UNC5B: variants seen among roughly 807,000 people sequenced by gnomAD.
The protein encoded by UNC5B is unc-5 netrin receptor B, also known as netrin receptor UNC5B.
In UNC5B, 56 loss-of-function variants were observed where a neutral mutation model predicts 103.7. The observed-to-expected ratio is 0.54, with a 90% CI of 0.44 to 0.67. The LOEUF is 0.67. Among genes scored for constraint, UNC5B ranks in the 30% least tolerant of loss-of-function variants. The pLI is 0.00. For missense variants in UNC5B, 1,194 were observed against 1,284.5 expected, an observed-to-expected ratio of 0.93 and a Z score of 1.08; for synonymous variants, 577 against 542.0, an observed-to-expected ratio of 1.06 and a Z score of -0.90.
intron 1 of UNC5B, among the ~76,000 whole-genome samples, chr10:71,255,137 C>A (rs1005488831): frequency 6.6e-6 from 1 of 152,142 alleles, no homozygotes; most frequent in Non-Finnish European, 1.5e-5. Context: ...GCCATTAATA[C>A]CCGAGAAGAA....
chr10:71,253,826 G>A (rs1431251341), intron 1 of UNC5B, among the ~76,000 whole-genome samples: 1 of 152,162 alleles, frequency 6.6e-6, no homozygotes, highest in African/African-American at 2.4e-5. Context: ...CAGGACACTA[G>A]GAAAGCTGGT....
intron 1 of UNC5B, among the ~76,000 whole-genome samples, chr10:71,216,832 A>G: frequency 6.6e-6 from 1 of 152,174 alleles, no homozygotes; most frequent in Non-Finnish European, 1.5e-5. Context: ...GAGATGGATC[A>G]TTTCCATTCC....
intron 1 of UNC5B, among the ~76,000 whole-genome samples, chr10:71,235,852 G>T (rs1843766136): frequency 6.6e-6 from 1 of 152,210 alleles, no homozygotes; most frequent in African/African-American, 2.4e-5. Flanking sequence ...TCGCATCTGG[G>T]CCATCTATAG....
chr10:71,225,372 C>T (rs565400873), intron 1 of UNC5B, among the ~76,000 whole-genome samples: 14 of 152,348 alleles, frequency 9.2e-5, no homozygotes, highest in African/African-American at 2.2e-4. Flanking sequence ...AGAGGGCCCA[C>T]GTGCCCATTT....
chr10:71,235,816 C>T (rs60799424), intron 1 of UNC5B, among the ~76,000 whole-genome samples: 3,145 of 152,324 alleles, frequency 0.021, 102 homozygotes, highest in African/African-American at 0.069. Context: ...GTGCCCAAGC[C>T]GCTGAGAGCC....
chr10:71,233,337 C>T (rs1843718220), intron 1 of UNC5B, among the ~76,000 whole-genome samples: 1 of 152,174 alleles, frequency 6.6e-6, no homozygotes, highest in Admixed American at 6.5e-5. Context: ...GTCCACAGTA[C>T]AAGGTCAATG....
chr10:71,227,662 A>G (rs1032710496), intron 1 of UNC5B, among the ~76,000 whole-genome samples: 1 of 146,006 alleles, frequency 6.8e-6, no homozygotes, highest in Non-Finnish European at 1.5e-5. Flanking sequence ...ATATACATAT[A>G]TATACACATA....
chr10:71,291,175 C>T, intron 9 of UNC5B, 66 bp downstream of exon 9: 1 of 1,539,838 alleles, frequency 6.5e-7, no homozygotes, highest in Non-Finnish European at 8.8e-7. Context: ...CTGGTGGTAC[C>T]CAGACCAGAG....
intron 1 of UNC5B, among the ~76,000 whole-genome samples, chr10:71,240,588 G>A (rs1589158952): frequency 1.3e-5 from 2 of 152,192 alleles, no homozygotes; most frequent in South Asian, 4.1e-4. Context: ...CCTCACGATC[G>A]CTTCCTGTTA....
chr10:71,221,331 C>G (rs917513096), intron 1 of UNC5B, among the ~76,000 whole-genome samples: 4 of 152,352 alleles, frequency 2.6e-5, no homozygotes, highest in African/African-American at 7.2e-5. Flanking sequence ...TGGTCCCCCC[C>G]CTTGTCACCC....
intron 1 of UNC5B, among the ~76,000 whole-genome samples, chr10:71,244,222 A>G (rs1473317350): frequency 6.6e-6 from 1 of 152,246 alleles, no homozygotes; most frequent in South Asian, 2.1e-4. Flanking sequence ...GCCCCCAGGC[A>G]TAATCAGCAT....
In UNC5B at chr10:71,291,693, C is replaced by T. The variant is rs781430815; in HGVS notation, c.1556C>T (p.Thr519Ile). 1.9e-6 allele frequency: 3 copies of T among 1,613,370 alleles called. No individual in the cohort carries two copies. The highest frequency in any genetic ancestry group is 2.5e-6 in the Non-Finnish European group (3 of 1,180,038). Residue 519 changes from threonine to isoleucine, a missense_variant, in exon 10 of 17, where the codon ACC becomes ATC. Coordinates refer to ENST00000335350, the MANE Select transcript of UNC5B (RefSeq NM_170744.5). ...TACCCTAGCGATTTCGCCCGGGACA[C>T]CCACTTCCTGCACCTGCGCAGCGCC... Reference protein sequence around the residue: ...GTYPSDFARDTHFLHLRSASL... With the variant: ...GTYPSDFARDIHFLHLRSASL...
rs1479016526 is a variant in UNC5B, at chr10:71,238,601, T to C, written c.79+25537T>C. 2.0e-5 allele frequency among the ~76,000 whole-genome samples: 3 copies of C among 152,272 alleles called. No homozygotes were observed. The East Asian group carries it at 5.8e-4, about 30-fold the overall frequency. On this transcript the variant is annotated intron_variant, in intron 1 of 16. Transcript: ENST00000335350. ...TCCCAAGTAGTTGGGATTACAGGCATGAGCCACCAGGCCCGGCTACTTTTT... is the reference window on the plus strand; with the variant it reads ...TCCCAAGTAGTTGGGATTACAGGCACGAGCCACCAGGCCCGGCTACTTTTT...
chr10:71,231,647 A>C (rs115179982), intron 1 of UNC5B, among the ~76,000 whole-genome samples: 2,039 of 151,440 alleles, frequency 0.013, 45 homozygotes, highest in African/African-American at 0.047. Flanking sequence ...AAATCTTAAG[A>C]GTTTTTTTTT....
rs563346973 is a variant in UNC5B at position 71,285,196 on chromosome 10, C to CG, written c.449-130_449-129insG. The stretch of plus-strand genomic sequence containing the variant: ...CTCCTTTGGAGAAGAGGAAATTTCC[C>CG]AGGCAAAGGCCAGGTGGGCCCATCA... On this transcript the variant is annotated intron_variant, in intron 3 of 16. Coordinates refer to ENST00000335350, the MANE Select transcript of UNC5B (RefSeq NM_170744.5). 582 of 1,004,018 alleles carry CG rather than the reference C, an allele frequency of 5.8e-4. 3 individuals carry two copies. In the East Asian group the frequency reaches 0.014, roughly 24 times the overall value. 62.2% of individuals were successfully genotyped at this position (1,004,018 alleles called of 1,614,324 possible).
At chr10:71,219,037 C>A (rs1206218432) in intron 1 of UNC5B, among the ~76,000 whole-genome samples, 2 of 152,194 alleles carry the variant, frequency 1.3e-5, no homozygotes, top group African/African-American at 4.8e-5. Context: ...GGACTTCCAT[C>A]ACTTCAACTC....
chr10:71,258,013 G>A (rs945261574), intron 1 of UNC5B, among the ~76,000 whole-genome samples: 12 of 152,206 alleles, frequency 7.9e-5, no homozygotes, highest in African/African-American at 2.2e-4. Flanking sequence ...CAAGAAACAC[G>A]TGCTTTCACT....
At chr10:71,240,553 T>G (rs1210916913) in intron 1 of UNC5B, among the ~76,000 whole-genome samples, 4 of 152,200 alleles carry the variant, frequency 2.6e-5, no homozygotes, top group African/African-American at 7.2e-5. Context: ...TCGCCCTGTC[T>G]TCAGACTCCA....
chr10:71,288,700 C>A lies in UNC5B; in HGVS notation c.1034C>A (p.Ser345Tyr). The A allele has an allele frequency of 6.2e-7, 1 of 1,613,546 alleles. No individual in the cohort carries two copies. The highest frequency in any genetic ancestry group is 1.3e-5 in the African/African-American group (1 of 75,058). The change falls in exon 7 of 17, where the codon TCT becomes TAT. Residue 345 changes from serine to tyrosine, a missense_variant. Ser to Tyr is a moderately radical substitution (Grantham distance 144). Coordinates refer to ENST00000335350, the MANE Select transcript of UNC5B (RefSeq NM_170744.5). The part of the protein sequence containing the change: ...GRDCSGTLLD[S>Y]KNCTDGLCMQ... Reference sequence around the variant, plus strand: ...GACTGCAGCGGGACGCTGCTCGACTCTAAGAACTGCACAGATGGGCTGTGC... The same window carrying A: ...GACTGCAGCGGGACGCTGCTCGACTATAAGAACTGCACAGATGGGCTGTGC...
Sources: allele counts gnomAD v4.1 joint callset (sites outside exome capture counted in the v4.1 genomes callset), GRCh38; gene constraint gnomAD v4.1.1; transcripts MANE v1.5; gene names NCBI Gene and HGNC (gene_info 2026-07-23, HGNC 2026-07-21).